Variants in ME3 observed in about 807,000 individuals in gnomAD.
ME3 encodes malic enzyme 3.
In ME3, 48 loss-of-function variants were observed where a neutral mutation model predicts 68.9. The ratio of observed to expected loss-of-function variants is 0.70; its 90% confidence interval spans 0.55 to 0.89. The LOEUF is 0.89. Ranked by LOEUF, ME3 falls within the 40% of genes least tolerant of loss-of-function variation. ME3 has a pLI of 0.00. For synonymous variants in ME3, 320 were observed against 318.8 expected (o/e 1.00, Z -0.04); for missense variants, 675 against 797.4 (o/e 0.85, Z 1.85).
Position 86,487,871 on chromosome 11 carries a change from T to C in ME3, c.706-431A>G, listed in dbSNP as rs529862136. ...CACTAGATGCCAGTAACACTCGCAG[T>C]TGTGGCCATCAAAAATGACTTCAAG... On this transcript the variant is annotated intron_variant, in intron 6 of 14. Coordinates refer to ENST00000543262, the Ensembl canonical transcript of ME3. Among the ~76,000 whole-genome samples, 424 of 152,326 alleles carry C rather than the reference T, an allele frequency of 2.8e-3. 3 individuals are homozygous for C. The highest frequency in any genetic ancestry group is 4.9e-3 in the Non-Finnish European group (334 of 68,028).
At chr11:86,500,805 C>T (rs979553928) in intron 5 of ME3, among the ~76,000 whole-genome samples, 4 of 152,118 alleles carry the variant, frequency 2.6e-5, no homozygotes, top group African/African-American at 9.7e-5. Context: ...GGGTTCTTCT[C>T]CCCATTCGTC....
At chr11:86,523,100 C>G (rs1243744256) in intron 4 of ME3, among the ~76,000 whole-genome samples, 3 of 152,156 alleles carry the variant, frequency 2.0e-5, no homozygotes, top group Non-Finnish European at 4.4e-5. Flanking sequence ...AACCTCAGTC[C>G]TACTGTTGGC....
At chr11:86,635,322 G>C (rs542618853) in intron 2 of ME3, among the ~76,000 whole-genome samples, 1 of 152,190 alleles carries the variant, frequency 6.6e-6, no homozygotes, top group African/African-American at 2.4e-5. Flanking sequence ...ACGTGAGGAC[G>C]CCGTGAGAAT....
chr11:86,493,478 G>A (rs1952120876), intron 6 of ME3, among the ~76,000 whole-genome samples: 1 of 152,250 alleles, frequency 6.6e-6, no homozygotes, highest in Non-Finnish European at 1.5e-5. Flanking sequence ...AAACCTTGGG[G>A]AAGCGCTTTC....
intron 13 of ME3, 67 bp downstream of exon 13, chr11:86,446,247 G>T (rs1949279186): frequency 6.4e-7 from 1 of 1,552,366 alleles, no homozygotes; most frequent in Non-Finnish European, 8.8e-7. Context: ...AGAGAGATCT[G>T]GTATAGGACC....
chr11:86,449,877 G>T lies in ME3; in HGVS notation c.1131+12C>A. The T allele has an allele frequency of 6.2e-7, 1 of 1,604,162 alleles. No individual in the cohort carries two copies. Among genetic ancestry groups the T allele is most frequent in the Non-Finnish European group, 8.5e-7 (1 of 1,172,784 alleles). On this transcript the variant is annotated intron_variant, in intron 10 of 14. Transcript: ENST00000543262. Reference sequence around the variant, plus strand: ...GTGTCAGGAAACCTCCAGGTCTCCAGACTGACAGTACCTTGACAATGAGCC... The same window carrying T: ...GTGTCAGGAAACCTCCAGGTCTCCATACTGACAGTACCTTGACAATGAGCC...
chr11:86,525,123 C>G (rs1954636465), intron 4 of ME3, among the ~76,000 whole-genome samples: 1 of 152,148 alleles, frequency 6.6e-6, no homozygotes, highest in African/African-American at 2.4e-5. Flanking sequence ...GACTTAGACC[C>G]AAATTCTAGG....
rs371746959 is a variant in ME3 at position 86,523,847 on chromosome 11, C to T, written c.468-14980G>A. Among the ~76,000 whole-genome samples, 11 of 152,270 alleles carry T rather than the reference C, an allele frequency of 7.2e-5. No homozygotes were observed. The South Asian group carries it at 1.5e-3, about 20-fold the overall frequency. On this transcript the variant is annotated intron_variant, in intron 4 of 14. Transcript: ENST00000543262. ...GAAATTTCAGCTGAAATTGACACCT[C>T]TGTCCAAATAGAATATCACTTCAGA...
At chr11:86,567,266 G>GGAAGGAAA (rs1437818284) in intron 2 of ME3, among the ~76,000 whole-genome samples, 2 of 150,498 alleles carry the variant, frequency 1.3e-5, no homozygotes, top group African/African-American at 2.4e-5. Context: ...AAGGAAGGAA[G>GGAAGGAAA]GAAGGAAGGA....
intron 4 of ME3, among the ~76,000 whole-genome samples, chr11:86,533,809 C>T (rs1308440075): frequency 6.6e-6 from 1 of 152,104 alleles, no homozygotes; most frequent in Non-Finnish European, 1.5e-5. Flanking sequence ...ATTGTGTGAA[C>T]ACTGTAAAGT....
chr11:86,531,996 A>C lies in ME3; in HGVS notation c.468-23129T>G, dbSNP rs557181784. ...TATAATTAAAAAAAACCAAACCAAA[A>C]AAAAACCAGAAACTGAAAGTGGAGG... On this transcript the variant is annotated intron_variant, in intron 4 of 14. Coordinates refer to ENST00000543262, the Ensembl canonical transcript of ME3. Among the ~76,000 whole-genome samples, 153 of 152,090 alleles carry C rather than the reference A, an allele frequency of 1.0e-3. 2 individuals carry two copies. Among genetic ancestry groups the C allele is most frequent in the African/African-American group, 3.4e-3 (140 of 41,426 alleles).
At chr11:86,656,558 T>G (rs1439668457) in intron 2 of ME3, among the ~76,000 whole-genome samples, 1 of 127,662 alleles carries the variant, frequency 7.8e-6, no homozygotes, top group Non-Finnish European at 1.6e-5. Flanking sequence ...TGAGAACACA[T>G]GGACACAGGA....
intron 2 of ME3, among the ~76,000 whole-genome samples, chr11:86,666,190 A>G (rs1946576819): frequency 6.6e-6 from 1 of 152,238 alleles, no homozygotes; most frequent in Admixed American, 6.5e-5. Flanking sequence ...AATGTAGCAT[A>G]TGACCAACTT....
intron 2 of ME3, among the ~76,000 whole-genome samples, chr11:86,617,045 GTT>G (rs563738961): frequency 0.023 from 1,303 of 55,942 alleles, 18 homozygotes; most frequent in African/African-American, 0.041. Flanking sequence ...CAAGATAGTA[GTT>G]TTTTTTTTTT....
rs12283397 is a variant in ME3, at chr11:86,550,283, T to G, written c.467+6270A>C. Among the ~76,000 whole-genome samples, 1,444 of 152,300 alleles carry G rather than the reference T, an allele frequency of 9.5e-3. 7 individuals carry two copies. The highest frequency in any genetic ancestry group is 0.027 in the Middle Eastern group (8 of 294). On this transcript the variant is annotated intron_variant, in intron 4 of 14. Coordinates refer to ENST00000543262, the Ensembl canonical transcript of ME3. The stretch of plus-strand genomic sequence containing the variant: ...TCTAACTTGTTTATAGAATTTGGGT[T>G]ACTAGATCATAAAATGTTAGAGCTA...
intron 2 of ME3, among the ~76,000 whole-genome samples, chr11:86,626,376 C>G (rs1177207308): frequency 6.6e-6 from 1 of 152,182 alleles, no homozygotes; most frequent in Non-Finnish European, 1.5e-5. Context: ...CAGCAGTTCC[C>G]TCCTGTGGCA....
chr11:86,529,099 T>C (rs912993791), intron 4 of ME3, among the ~76,000 whole-genome samples: 4 of 152,192 alleles, frequency 2.6e-5, no homozygotes, highest in African/African-American at 9.6e-5. Context: ...ACAAAATTGA[T>C]AGACTGCTAG....
intron 2 of ME3, among the ~76,000 whole-genome samples, chr11:86,606,253 G>A (rs1026504335): frequency 6.6e-6 from 1 of 152,188 alleles, no homozygotes; most frequent in Non-Finnish European, 1.5e-5. Flanking sequence ...CTGAGGCTCG[G>A]AGAGGTCACC....
intron 7 of ME3, among the ~76,000 whole-genome samples, chr11:86,483,455 A>G (rs1951523160): frequency 6.6e-6 from 1 of 152,134 alleles, no homozygotes; most frequent in African/African-American, 2.4e-5. Flanking sequence ...TACAAAGAGC[A>G]CTAATAGAGA....
Sources: gnomAD v4.1 joint callset for allele counts (sites outside exome capture counted in the v4.1 genomes callset) on GRCh38, gnomAD v4.1.1 for gene constraint, MANE v1.5 for transcripts, NCBI Gene and HGNC (gene_info 2026-07-23, HGNC 2026-07-21) for gene names.